Variants in TCOF1 observed in about 807,000 individuals in gnomAD.
TCOF1 encodes treacle ribosome biogenesis factor 1.
TCOF1 carries 33 observed loss-of-function variants against 149.0 expected under a neutral mutation model. That is an observed-to-expected ratio of 0.22 (90% CI 0.17 to 0.30). The LOEUF (loss-of-function observed/expected upper bound fraction) is 0.30. Among genes scored for constraint, TCOF1 ranks in the 10% least tolerant of loss-of-function variants. The pLI, the probability that TCOF1 is intolerant of heterozygous loss-of-function variation, is 1.00. For missense variants in TCOF1, 1,728 were observed against 1,840.7 expected, an observed-to-expected ratio of 0.94 and a Z score of 1.12; for synonymous variants, 789 against 738.8, an observed-to-expected ratio of 1.07 and a Z score of -1.10.
intron 19 of TCOF1, among the ~76,000 whole-genome samples, chr5:150,390,440 T>C (rs1767170356): frequency 6.6e-6 from 1 of 152,234 alleles, no homozygotes. Flanking sequence ...ATCTAAAAGC[T>C]GGGCATTTTA....
At position 150,370,331 on chromosome 5, in the gene TCOF1, C is replaced by T. The variant is rs551985717; in HGVS notation, c.639+729C>T. On this transcript the variant is annotated intron_variant, in intron 6 of 26. Transcript: ENST00000643257. Reference sequence around the variant, plus strand: ...GAAGGAATGGCATGTGCAGAGAAGGCGGCAAAGAGAGTTTGGTGCTTTTAA... The same window carrying T: ...GAAGGAATGGCATGTGCAGAGAAGGTGGCAAAGAGAGTTTGGTGCTTTTAA... Among the ~76,000 whole-genome samples, 95 of 152,266 alleles carry T rather than the reference C, an allele frequency of 6.2e-4. 1 individual carries two copies. Among genetic ancestry groups the T allele is most frequent in the Non-Finnish European group, 6.6e-4 (45 of 68,026 alleles).
chr5:150,368,699 A>C lies in TCOF1; in HGVS notation c.379-17A>C. The C allele has an allele frequency of 6.2e-7, 1 of 1,613,732 alleles. No homozygotes were observed. The highest frequency in any genetic ancestry group is 1.1e-5 in the South Asian group (1 of 91,066). ...CCATGCCATACCAGATGTGTCTGTC[A>C]CTCTTGTTCTCTGTAGGCAGAGACA... On this transcript the variant is annotated splice_polypyrimidine_tract_variant and intron_variant, in intron 4 of 26. Coordinates refer to ENST00000643257, the MANE Select transcript of TCOF1 (RefSeq NM_001371623.1).
chr5:150,397,532 G>T (rs1768835101), intron 24 of TCOF1, among the ~76,000 whole-genome samples: 1 of 152,166 alleles, frequency 6.6e-6, no homozygotes, highest in Non-Finnish European at 1.5e-5. Flanking sequence ...GAAAACTGCG[G>T]CTCGGGCTCG....
In TCOF1 at chr5:150,380,102, G is replaced by GA. The variant is rs1245307512; in HGVS notation, c.2859+375dup. The GA allele has an allele frequency of 1.5e-5, 4 of 263,572 alleles. No homozygotes were observed. In the East Asian group the frequency reaches 3.8e-4, roughly 25 times the overall value. 16.3% of individuals were successfully genotyped at this position (263,572 alleles called of 1,614,324 possible). On this transcript the variant is annotated intron_variant, in intron 17 of 26. Transcript: ENST00000643257. ...AAAAAAAAAGAAAAAAAAGAAAAGTGAAAAACCAGGGTTTAGGGCCAGGTA... is the reference window on the plus strand; with the variant it reads ...AAAAAAAAAGAAAAAAAAGAAAAGTGAAAAAACCAGGGTTTAGGGCCAGGTA...
intron 14 of TCOF1, among the ~76,000 whole-genome samples, 160 bp downstream of exon 14, chr5:150,376,780 C>T (rs1763908120): frequency 6.6e-6 from 1 of 152,238 alleles, no homozygotes; most frequent in African/African-American, 2.4e-5. Context: ...CATGTCTCCT[C>T]TGCCCATCAG....
chr5:150,393,007 T>C, intron 22 of TCOF1: 5 of 627,648 alleles, frequency 8.0e-6, no homozygotes, highest in Admixed American at 5.3e-5. Flanking sequence ...TAGCTGACCC[T>C]TGGGGTCTGT....
intron 17 of TCOF1, chr5:150,383,128 G>A: frequency 6.5e-7 from 1 of 1,536,086 alleles, no homozygotes; most frequent in African/African-American, 1.4e-5. Flanking sequence ...GAGGAACACG[G>A]AGGGGTCCTC....
At chr5:150,393,764 A>G in intron 23 of TCOF1, 1 of 652,820 alleles carries the variant, frequency 1.5e-6, no homozygotes, top group Non-Finnish European at 2.6e-6. Flanking sequence ...CCATAATCCC[A>G]GCACTTTGGG....
chr5:150,375,886 C>G lies in TCOF1; in HGVS notation c.1870C>G (p.Pro624Ala), dbSNP rs774495095. 6.2e-7 allele frequency: 1 copy of G among 1,614,192 alleles called. No homozygotes were observed. The highest frequency in any genetic ancestry group is 8.5e-7 in the Non-Finnish European group (1 of 1,180,044). ...SSDSADSEEA[P>A]AAMTAAQAKP... The stretch of plus-strand genomic sequence containing the variant: ...GGACAGTGCGGACAGTGAGGAGGCA[C>G]CAGCAGCCATGACTGCAGCTCAGGT... Residue 624 changes from proline (P) to alanine (A), a missense_variant, in exon 12 of 27, where the codon CCA (proline) becomes GCA (alanine). This residue lies in a region of TCOF1 where 1,696 missense variants were observed against 1,765.4 expected (regional missense o/e 0.96). Transcript: ENST00000643257.
chr5:150,376,604 C>T lies in TCOF1; in HGVS notation c.2324C>T (p.Ala775Val). The change falls in exon 14 of 27, where the codon GCT becomes GTT. Residue 775 changes from alanine to valine, a missense_variant. Transcript: ENST00000643257. ...GAGGAATCAGACAGTGAGGAAGCAGCTGCATCTCCAGCACAGGTGAGGCCT... is the reference window on the plus strand; with the variant it reads ...GAGGAATCAGACAGTGAGGAAGCAGTTGCATCTCCAGCACAGGTGAGGCCT... The part of the protein sequence containing the change: ...SEEESDSEEA[A>V]ASPAQVKTSV... 1 of 1,570,390 alleles carries T rather than the reference C, an allele frequency of 6.4e-7. No individual in the cohort carries two copies. The highest frequency in any genetic ancestry group is 8.6e-7 in the Non-Finnish European group (1 of 1,157,904).
chr5:150,374,529 T>C, intron 8 of TCOF1, 88 bp from the exon 9 acceptor site: 1 of 1,594,720 alleles, frequency 6.3e-7, no homozygotes, highest in Non-Finnish European at 8.6e-7. Context: ...GTGGCATCAT[T>C]TGCCCTATCT....
chr5:150,398,606 A>G (rs561456920), intron 25 of TCOF1, among the ~76,000 whole-genome samples, 155 bp downstream of exon 25: 9 of 152,258 alleles, frequency 5.9e-5, no homozygotes, highest in African/African-American at 1.7e-4. Context: ...CTGGCAGGGC[A>G]TGTTCCCTGA....
intron 24 of TCOF1, among the ~76,000 whole-genome samples, chr5:150,397,279 C>T (rs377252297): frequency 2.0e-5 from 3 of 151,746 alleles, no homozygotes; most frequent in Admixed American, 1.3e-4. Context: ...TCCAGAAGGA[C>T]GAGGAGTCAT....
chr5:150,383,013 A>G, intron 17 of TCOF1: 1 of 1,439,376 alleles, frequency 6.9e-7, no homozygotes, highest in South Asian at 1.3e-5. Context: ...CCCCCTCAGC[A>G]AATGCCCCAC....
At chr5:150,385,984 C>T (rs1581175790) in intron 17 of TCOF1, among the ~76,000 whole-genome samples, 2 of 152,160 alleles carry the variant, frequency 1.3e-5, no homozygotes, top group East Asian at 3.8e-4. Context: ...AACTACTAGC[C>T]GTTTCATTAA....
rs1034467963 is a variant in TCOF1, at chr5:150,357,898, G to A, written c.108+44G>A. ...TGTGCGAGGGCCGCGTGCAAGATGT[G>A]GAGATCAGCGGCCCGCGGCCCGCGC... On this transcript the variant is annotated intron_variant, in intron 1 of 26. Transcript: ENST00000643257. The A allele has an allele frequency of 2.0e-6, 3 of 1,534,816 alleles. No individual in the cohort carries two copies. The African/African-American group carries it at 4.2e-5, about 21-fold the overall frequency.
Position 150,383,844 on chromosome 5 carries a change from C to T in TCOF1, c.2860-4058C>T. On this transcript the variant is annotated intron_variant, in intron 17 of 26. Transcript: ENST00000643257. ...TGCACCCAGAGCTTAAGCCACAGTC[C>T]TGCTCAGGCTACACCTCCAAGGGTG... is the stretch of plus-strand genomic sequence containing the variant. 3.9e-6 allele frequency: 6 copies of T among 1,551,144 alleles called. No individual in the cohort carries two copies. The South Asian group carries it at 5.9e-5, about 15-fold the overall frequency.
chr5:150,375,614 G>A (rs1320217813), intron 11 of TCOF1, 60 bp downstream of exon 11: 6 of 1,612,774 alleles, frequency 3.7e-6, no homozygotes, highest in South Asian at 3.3e-5. Flanking sequence ...GGAGCTGCCT[G>A]TGGCCTCCCA....
chr5:150,383,115 A>G, intron 17 of TCOF1: 1 of 1,536,094 alleles, frequency 6.5e-7, no homozygotes, highest in South Asian at 1.2e-5. Context: ...CAGCACCCCC[A>G]GAGAGGAACA....
Sources: allele counts gnomAD v4.1 joint callset (sites outside exome capture counted in the v4.1 genomes callset), GRCh38; gene constraint gnomAD v4.1.1; regional missense constraint gnomAD v4.1.1; transcripts MANE v1.5; gene names NCBI Gene and HGNC (gene_info 2026-07-23, HGNC 2026-07-21).